Variants in BPI observed in about 807,000 individuals in gnomAD.
BPI encodes bactericidal permeability increasing protein.
BPI carries 48 observed loss-of-function variants against 57.6 expected under a neutral mutation model. The observed-to-expected ratio is 0.83, with a 90% CI of 0.66 to 1.06. The LOEUF is 1.06. Ranked by LOEUF, BPI falls within the 50% of genes least tolerant of loss-of-function variation. The pLI is 0.00. For synonymous variants in BPI, 237 were observed against 238.2 expected (o/e 0.99, Z 0.05); for missense variants, 651 against 609.7 (o/e 1.07, Z -0.71).
intron 2 of BPI, among the ~76,000 whole-genome samples, chr20:38,308,167 C>T (rs2076605733): frequency 6.6e-6 from 1 of 152,178 alleles, no homozygotes; most frequent in Admixed American, 6.5e-5. Context: ...TCTAGATCTC[C>T]TGCTCAGCAC....
At chr20:38,331,023 C>T in intron 11 of BPI, 25 bp from the exon 12 acceptor site, 1 of 1,613,530 alleles carries the variant, frequency 6.2e-7, no homozygotes. Context: ...TTGGTGGTCT[C>T]AGTCCCCTCC....
At chr20:38,309,811 G>A (rs1252544751) in intron 3 of BPI, among the ~76,000 whole-genome samples, 2 of 152,140 alleles carry the variant, frequency 1.3e-5, no homozygotes, top group South Asian at 2.1e-4. Context: ...ACTGACCATC[G>A]CTTTAGGAAG....
chr20:38,310,449 G>A, intron 3 of BPI, 42 bp from the exon 4 acceptor site: 2 of 1,594,186 alleles, frequency 1.3e-6, no homozygotes, highest in African/African-American at 1.3e-5. Context: ...ATGTCAGTGG[G>A]AAGAAAGGAC....
chr20:38,320,309 C>A, intron 7 of BPI, 35 bp downstream of exon 7: 1 of 1,589,448 alleles, frequency 6.3e-7, no homozygotes, highest in African/African-American at 1.3e-5. Context: ...CACCCTCACA[C>A]CTCTGTCTCA....
chr20:38,320,409 C>T (rs909804483), intron 7 of BPI, 135 bp downstream of exon 7: 54 of 772,860 alleles, frequency 7.0e-5, no homozygotes, highest in Non-Finnish European at 1.0e-4. Flanking sequence ...CTACTCTCCC[C>T]GCCTCTCCCT....
chr20:38,326,514 A>G (rs1237186558), intron 10 of BPI, 82 bp downstream of exon 10: 2 of 1,431,232 alleles, frequency 1.4e-6, no homozygotes, highest in Non-Finnish European at 1.9e-6. Flanking sequence ...GACCATGTGA[A>G]TCCTGTCTGG....
chr20:38,336,995 C>A lies in BPI; in HGVS notation c.1414-151C>A. 8.0e-6 allele frequency: 4 copies of A among 498,920 alleles called. No individual in the cohort carries two copies. In the South Asian group the frequency reaches 9.0e-5, roughly 11 times the overall value. 30.9% of individuals were successfully genotyped at this position (498,920 alleles called of 1,614,324 possible). ...GCAGCTGTGGATGTGTAGATCCGGGCAGCGAAACACTGAGTGACCCCCACT... is the reference window on the plus strand; with the variant it reads ...GCAGCTGTGGATGTGTAGATCCGGGAAGCGAAACACTGAGTGACCCCCACT... On this transcript the variant is annotated intron_variant, in intron 14 of 14. Transcript: ENST00000642449.
chr20:38,326,249 C>A lies in BPI; in HGVS notation c.994-16C>A. 6.2e-7 allele frequency: 1 copy of A among 1,607,488 alleles called. No individual in the cohort carries two copies. The highest frequency in any genetic ancestry group is 1.3e-5 in the African/African-American group (1 of 74,848). On this transcript the variant is annotated splice_polypyrimidine_tract_variant and intron_variant, in intron 9 of 14. Transcript: ENST00000642449. ...AAACTCCTCCTTTCGTTGATTGTCTCCACTGGGGGCTGCAGGTGGCCAAGA... is the reference window on the plus strand; with the variant it reads ...AAACTCCTCCTTTCGTTGATTGTCTACACTGGGGGCTGCAGGTGGCCAAGA...
At chr20:38,326,611 C>A in intron 10 of BPI, 179 bp downstream of exon 10, 1 of 624,538 alleles carries the variant, frequency 1.6e-6, no homozygotes, top group Non-Finnish European at 2.5e-6. Flanking sequence ...TTCATTCACC[C>A]AGCCATTCAC....
At chr20:38,312,410 G>A (rs2122503766) in intron 5 of BPI, among the ~76,000 whole-genome samples, 1 of 152,336 alleles carries the variant, frequency 6.6e-6, no homozygotes, top group East Asian at 1.9e-4. Flanking sequence ...CAAGAGACGG[G>A]TATCAGCCAG....
In BPI at chr20:38,326,238, G is replaced by A. The variant is rs200753442; in HGVS notation, c.994-27G>A. ...CATTTTAACAGAAACTCCTCCTTTC[G>A]TTGATTGTCTCCACTGGGGGCTGCA... On this transcript the variant is annotated intron_variant, in intron 9 of 14. Transcript: ENST00000642449. 1.5e-4 allele frequency: 239 copies of A among 1,592,634 alleles called. 1 individual carries two copies. Among genetic ancestry groups the A allele is most frequent in the South Asian group, 1.2e-4 (11 of 89,446 alleles).
At position 38,330,417 on chromosome 20, in the gene BPI, G is replaced by A. The variant is rs113753663; in HGVS notation, c.1230-631G>A. 3.5e-3 allele frequency among the ~76,000 whole-genome samples: 528 copies of A among 152,296 alleles called. 4 individuals are homozygous for A. Among genetic ancestry groups the A allele is most frequent in the African/African-American group, 0.012 (506 of 41,550 alleles). Reference sequence around the variant, plus strand: ...AGAGCGCCCAATACAGCTAATGAATGGTTGGGGTTCAATAAACAGCCATAT... The same window carrying A: ...AGAGCGCCCAATACAGCTAATGAATAGTTGGGGTTCAATAAACAGCCATAT... On this transcript the variant is annotated intron_variant, in intron 11 of 14. Coordinates refer to ENST00000642449, the MANE Select transcript of BPI (RefSeq NM_001725.3).
chr20:38,304,394 A>G, intron 1 of BPI, 41 bp downstream of exon 1: 1 of 1,605,018 alleles, frequency 6.2e-7, no homozygotes, highest in Non-Finnish European at 8.5e-7. Context: ...ACCCCTGAGG[A>G]GCACTTACTT....
intron 1 of BPI, among the ~76,000 whole-genome samples, chr20:38,307,063 G>A (rs1454147833): frequency 6.6e-6 from 1 of 151,966 alleles, no homozygotes; most frequent in African/African-American, 2.4e-5. Context: ...GCCTGGTGTG[G>A]TGGCGAACAC....
Position 38,331,593 on chromosome 20 carries a change from C to T in BPI, c.1272+503C>T, listed in dbSNP as rs180958352. On this transcript the variant is annotated intron_variant, in intron 12 of 14. Transcript: ENST00000642449. Reference sequence around the variant, plus strand: ...GCATGGTGGCTCATGTCCATAATCCCAGCACTTTGGGAGGCTGAAGCAGGA... The same window carrying T: ...GCATGGTGGCTCATGTCCATAATCCTAGCACTTTGGGAGGCTGAAGCAGGA... Among the ~76,000 whole-genome samples, 99 of 152,200 alleles carry T rather than the reference C, an allele frequency of 6.5e-4. No individual in the cohort carries two copies. The South Asian group carries it at 7.9e-3, about 12-fold the overall frequency.
At chr20:38,331,674 T>A (rs1201294726) in intron 12 of BPI, among the ~76,000 whole-genome samples, 2 of 151,842 alleles carry the variant, frequency 1.3e-5, no homozygotes, top group Non-Finnish European at 2.9e-5. Flanking sequence ...CAAGACCTCA[T>A]CTCTTATAAA....
intron 9 of BPI, among the ~76,000 whole-genome samples, 160 bp downstream of exon 9, chr20:38,324,993 G>C (rs5743519): frequency 0.018 from 2,760 of 152,280 alleles, 60 homozygotes; most frequent in African/African-American, 0.056. Flanking sequence ...ACAGAACAGA[G>C]AAAAGCTCCA....
At chr20:38,317,345 G>A (rs562365420) in intron 5 of BPI, among the ~76,000 whole-genome samples, 1 of 152,330 alleles carries the variant, frequency 6.6e-6, no homozygotes. Flanking sequence ...AAAAAGGCAT[G>A]ACAGGGATGG....
At chr20:38,320,386 A>G (rs1371465523) in intron 7 of BPI, 112 bp downstream of exon 7, 2 of 920,500 alleles carry the variant, frequency 2.2e-6, no homozygotes, top group African/African-American at 3.4e-5. Context: ...TATCTGACTC[A>G]CCACCACCCT....
Sources: allele counts gnomAD v4.1 joint callset (sites outside exome capture counted in the v4.1 genomes callset), GRCh38; gene constraint gnomAD v4.1.1; transcripts MANE v1.5; gene names NCBI Gene and HGNC (gene_info 2026-07-23, HGNC 2026-07-21).